FER1L5: variants seen among roughly 807,000 people sequenced by gnomAD.
The protein encoded by FER1L5 is fer-1 like family member 5, also known as fer-1-like protein 5.
FER1L5 carries 187 observed loss-of-function variants against 279.9 expected under a neutral mutation model. The ratio of observed to expected loss-of-function variants is 0.67; its 90% CI spans 0.59 to 0.75. The LOEUF (loss-of-function observed/expected upper bound fraction) is 0.75, where lower values mean the gene tolerates loss of function less well. Ranked by LOEUF, FER1L5 falls within the 30% of genes least tolerant of loss-of-function variation. The pLI is 0.00. For synonymous variants in FER1L5, 921 were observed against 989.7 expected (o/e 0.93, Z 1.30); for missense variants, 2,091 against 2,594.4 (o/e 0.81, Z 4.21).
intron 1 of FER1L5, among the ~76,000 whole-genome samples, chr2:96,645,681 T>C (rs993952627): frequency 6.6e-6 from 1 of 151,058 alleles, no homozygotes; most frequent in South Asian, 2.1e-4. Flanking sequence ...ACGTGGGAGG[T>C]GGGAGGATGA....
chr2:96,651,469 G>A (rs545577462), intron 6 of FER1L5, among the ~76,000 whole-genome samples: 19 of 110,864 alleles, frequency 1.7e-4, no homozygotes, highest in Admixed American at 9.2e-4. Context: ...TCCTTCCTCC[G>A]TCCCTCCCTC....
At chr2:96,700,544 C>G in intron 45 of FER1L5, 73 bp downstream of exon 45, 2 of 1,593,540 alleles carry the variant, frequency 1.3e-6, no homozygotes, top group South Asian at 2.2e-5. Flanking sequence ...GCCTGTCCAC[C>G]CAGGACATAG....
rs1473578074 is a variant in FER1L5, at chr2:96,698,560, C to T, written c.4357-111C>T. ...TCCTCATGGCCTTCTATCCCTGCCA[C>T]CCTCAGCCCAACCCTCTCTCTCCTG... is the stretch of plus-strand genomic sequence containing the variant. On this transcript the variant is annotated intron_variant, in intron 40 of 52. Transcript: ENST00000624922. The surrounding 1 kb of genome is among the most constrained non-coding windows in gnomAD (Gnocchi z 5.5). 6.5e-6 allele frequency: 6 copies of T among 920,070 alleles called. No homozygotes were observed. The highest frequency in any genetic ancestry group is 9.9e-6 in the Non-Finnish European group (6 of 607,186). 57.0% of individuals were successfully genotyped at this position (920,070 alleles called of 1,614,324 possible).
At position 96,698,769 on chromosome 2, in the gene FER1L5, G is replaced by A. The variant is rs755457367; in HGVS notation, c.4455G>A (p.Pro1485=). The A allele has an allele frequency of 1.1e-5, 18 of 1,568,028 alleles. No homozygotes were observed. The highest frequency in any genetic ancestry group is 6.8e-5 in the African/African-American group (5 of 73,460). The part of the protein sequence containing the change: ...VWPEREDFPQ[P]CLVRVYMVRA... ...CAGAGAGAGAGGACTTCCCCCAGCC[G>A]TGCTTGGTGCGGGTGTACATGGTAC... Residue 1485 remains proline, a synonymous_variant, in exon 41 of 53, where the codon CCG becomes CCA. Coordinates refer to ENST00000624922, the MANE Select transcript of FER1L5 (RefSeq NM_001293083.2). This position sits in a 1 kb window ranked among gnomAD's most constrained non-coding sequence, Gnocchi z 5.5.
intron 26 of FER1L5, 126 bp from the exon 27 acceptor site, chr2:96,690,361 A>G: frequency 1.3e-6 from 1 of 771,382 alleles, no homozygotes; most frequent in Non-Finnish European, 2.2e-6. Flanking sequence ...TGGCAAGCAC[A>G]GTCTGGCCTG....
rs376056418 is a variant in FER1L5 at position 96,699,590 on chromosome 2, C to T, written c.4651C>T (p.Leu1551=). ...CTGCAACATACCCCTGGAGAAGGAC[C>T]TAGAGATCCAGCTCTATGACTTCGA... is the stretch of plus-strand genomic sequence containing the variant. ...LTCNIPLEKD[L]EIQLYDFDLF... Residue 1551 remains leucine (L), a synonymous_variant, in exon 43 of 53, where the codon CTA becomes TTA. Coordinates refer to ENST00000624922, the MANE Select transcript of FER1L5 (RefSeq NM_001293083.2). 2.7e-5 allele frequency: 44 copies of T among 1,613,838 alleles called. No individual in the cohort carries two copies. Among genetic ancestry groups the T allele is most frequent in the Non-Finnish European group, 3.7e-5 (44 of 1,179,894 alleles).
At chr2:96,686,383 G>A in intron 23 of FER1L5, 33 bp downstream of exon 23, 5 of 1,535,686 alleles carry the variant, frequency 3.3e-6, no homozygotes, top group East Asian at 2.5e-5. Context: ...GGGAGGACAG[G>A]GCTGAGAAAT....
chr2:96,698,695 C>A lies in FER1L5; in HGVS notation c.4381C>A (p.Pro1461Thr). ...GGGCCTTTTCCGCATCTACCCCTTT[C>A]CTGAGAATCCAGAAGCCCCAAAGCC... Reference protein sequence around the residue: ...FKGLFRIYPFPENPEAPKPPL... With the variant: ...FKGLFRIYPFTENPEAPKPPL... Residue 1461 changes from proline (P) to threonine (T), a missense_variant, in exon 41 of 53, where the codon CCT becomes ACT. By Grantham distance (38) the Pro-to-Thr change is conservative (BLOSUM62 -1). Coordinates refer to ENST00000624922, the MANE Select transcript of FER1L5 (RefSeq NM_001293083.2). The surrounding 1 kb of genome is among the most constrained non-coding windows in gnomAD (Gnocchi z 5.5). The A allele has an allele frequency of 6.3e-7, 1 of 1,589,202 alleles. No individual in the cohort carries two copies. The highest frequency in any genetic ancestry group is 1.2e-5 in the South Asian group (1 of 86,738).
At chr2:96,650,365 C>A in intron 6 of FER1L5, 76 bp downstream of exon 6, 2 of 1,250,930 alleles carry the variant, frequency 1.6e-6, no homozygotes, top group African/African-American at 1.5e-5. Flanking sequence ...GCCACCTCAC[C>A]CCTCCCCAAG....
Position 96,693,979 on chromosome 2 carries a change from C to T in FER1L5, c.3543C>T (p.Ile1181=). 6.4e-7 allele frequency: 1 copy of T among 1,551,616 alleles called. No individual in the cohort carries two copies. ...TCTGGCTGGATCTCCAGGACCGGATCCTGCCCCCCATGAGGTGGCATCCCC... is the reference window on the plus strand; with the variant it reads ...TCTGGCTGGATCTCCAGGACCGGATTCTGCCCCCCATGAGGTGGCATCCCC... ...PMVWLDLQDR[I]LPPMRWHPLV... The change falls in exon 33 of 53, where the codon ATC becomes ATT. Residue 1181 remains isoleucine (I), a synonymous_variant. Coordinates refer to ENST00000624922, the MANE Select transcript of FER1L5 (RefSeq NM_001293083.2).
At chr2:96,659,657 A>G (rs865782713) in intron 9 of FER1L5, among the ~76,000 whole-genome samples, 2 of 149,866 alleles carry the variant, frequency 1.3e-5, no homozygotes, top group African/African-American at 2.5e-5. Flanking sequence ...ACGCCCGGCT[A>G]ATTTTTTGTA....
chr2:96,697,624 C>G, intron 38 of FER1L5, 36 bp from the exon 39 acceptor site: 1 of 1,613,874 alleles, frequency 6.2e-7, no homozygotes, highest in Non-Finnish European at 8.5e-7. Context: ...GGGGGCTGCC[C>G]CTGCCCGAGG....
At chr2:96,655,613 ATGT>A (rs1223529219) in intron 9 of FER1L5, among the ~76,000 whole-genome samples, 2 of 152,206 alleles carry the variant, frequency 1.3e-5, no homozygotes, top group Non-Finnish European at 2.9e-5. Context: ...GAGGTGAAAA[ATGT>A]TGTGCTCTTG....
At chr2:96,645,185 C>A (rs1348473616) in intron 1 of FER1L5, among the ~76,000 whole-genome samples, 1 of 152,138 alleles carries the variant, frequency 6.6e-6, no homozygotes, top group Non-Finnish European at 1.5e-5. Flanking sequence ...ATAAATAAAC[C>A]CTTAATTTTC....
chr2:96,668,813 G>A lies in FER1L5; in HGVS notation c.1184+19G>A. 2 of 1,551,678 alleles carry A rather than the reference G, an allele frequency of 1.3e-6. No homozygotes were observed. The highest frequency in any genetic ancestry group is 1.7e-6 in the Non-Finnish European group (2 of 1,146,996). ...TGGACTGGTGAGCAACCTGGTGGAG[G>A]CTGAAGCACACAGGGAAGGAAGAAA... On this transcript the variant is annotated intron_variant, in intron 15 of 52. Transcript: ENST00000624922.
chr2:96,659,612 C>G (rs536662567), intron 9 of FER1L5, among the ~76,000 whole-genome samples: 2 of 150,222 alleles, frequency 1.3e-5, no homozygotes, highest in South Asian at 2.1e-4. Context: ...CTGCCTGAAC[C>G]TCCCTAGTAG....
chr2:96,689,018 T>C lies in FER1L5; in HGVS notation c.2362-195T>C. Reference sequence around the variant, plus strand: ...GCAGCATCCACCCCACTCTGCCAGCTGAATGATCCAGGGCAGGGTTGACCT... The same window carrying C: ...GCAGCATCCACCCCACTCTGCCAGCCGAATGATCCAGGGCAGGGTTGACCT... On this transcript the variant is annotated intron_variant, in intron 24 of 52. Coordinates refer to ENST00000624922, the MANE Select transcript of FER1L5 (RefSeq NM_001293083.2). This position sits in a 1 kb window ranked among gnomAD's most constrained non-coding sequence, Gnocchi z 4.6. 1 of 592,032 alleles carries C rather than the reference T, an allele frequency of 1.7e-6. No homozygotes were observed. Among genetic ancestry groups the C allele is most frequent in the Non-Finnish European group, 2.9e-6 (1 of 341,496 alleles). The allele number at this position is 592,032 out of a possible 1,614,324, so 36.7% of individuals were successfully genotyped here.
chr2:96,667,569 ACTC>A (rs1191349352), intron 14 of FER1L5, among the ~76,000 whole-genome samples: 3 of 149,700 alleles, frequency 2.0e-5, no homozygotes, highest in African/African-American at 7.4e-5. Flanking sequence ...CTGATCTTGA[ACTC>A]CTGACCTCAG....
Position 96,689,610 on chromosome 2 carries a change from T to A in FER1L5, c.2526-34T>A. ...ACGGCCCTAGGGGCTGCTTGGGGAG[T>A]TGTGCTGGGAACTTGGGGTCTCATT... On this transcript the variant is annotated intron_variant, in intron 25 of 52. Coordinates refer to ENST00000624922, the MANE Select transcript of FER1L5 (RefSeq NM_001293083.2). This position sits in a 1 kb window ranked among gnomAD's most constrained non-coding sequence, Gnocchi z 4.6. The A allele has an allele frequency of 6.5e-7, 1 of 1,534,938 alleles. No homozygotes were observed. Among genetic ancestry groups the A allele is most frequent in the Non-Finnish European group, 8.8e-7 (1 of 1,133,966 alleles).
Sources: gnomAD v4.1 joint callset for allele counts (sites outside exome capture counted in the v4.1 genomes callset) on GRCh38, gnomAD v4.1.1 for gene constraint, Gnocchi (gnomAD v3.1) non-coding constraint, MANE v1.5 for transcripts, NCBI Gene and HGNC (gene_info 2026-07-23, HGNC 2026-07-21) for gene names.